Variants in LARGE1 observed in about 807,000 individuals in gnomAD.
LARGE1 encodes the protein xylosyl- and glucuronyltransferase LARGE1.
LARGE1 carries 43 observed loss-of-function variants against 87.6 expected under a neutral mutation model. The ratio of observed to expected loss-of-function variants is 0.49; its 90% CI spans 0.38 to 0.63. The LOEUF is 0.63. Among genes scored for constraint, LARGE1 ranks in the 30% least tolerant of loss-of-function variants. The pLI is 0.00. For synonymous variants in LARGE1, 434 were observed against 394.6 expected (o/e 1.10, Z -1.18); for missense variants, 802 against 1,000.2 (o/e 0.80, Z 2.67).
At chr22:33,604,211 T>C (rs1358698427) in intron 5 of LARGE1, among the ~76,000 whole-genome samples, 1 of 152,196 alleles carries the variant, frequency 6.6e-6, no homozygotes, top group Non-Finnish European at 1.5e-5. Context: ...CCAGAAAGCC[T>C]TGGTGGTCAA....
intron 10 of LARGE1, among the ~76,000 whole-genome samples, chr22:33,324,949 G>GT: frequency 6.6e-6 from 1 of 152,118 alleles, no homozygotes. Context: ...TCTTTCTCAT[G>GT]TAAGACTCAC....
intron 6 of LARGE1, among the ~76,000 whole-genome samples, chr22:33,552,467 G>GA (rs71320982): frequency 0.45 from 68,199 of 150,632 alleles, 15,645 homozygotes; most frequent in Admixed American, 0.53. Flanking sequence ...ATTTACAAAA[G>GA]AAAAAAAAAT....
At chr22:33,276,162 T>C (rs573145072) in intron 14 of LARGE1, among the ~76,000 whole-genome samples, 1 of 151,602 alleles carries the variant, frequency 6.6e-6, no homozygotes, top group South Asian at 2.1e-4. Context: ...TTGAAAAATA[T>C]TTGCACTGTG....
chr22:33,650,548 T>G lies in LARGE1; in HGVS notation c.227A>C (p.Asn76Thr), dbSNP rs752854659. ...EVRMREVEEE[N>T]RALRRQLSLA... Reference sequence around the variant, plus strand: ...GCTGAGCTGCCTGCGGAGGGCGCGGTTCTCCTCCTCCACCTCGCGCATGCG... The same window carrying G: ...GCTGAGCTGCCTGCGGAGGGCGCGGGTCTCCTCCTCCACCTCGCGCATGCG... Residue 76 changes from asparagine to threonine, a missense_variant, in exon 3 of 15, where the codon AAC (asparagine) becomes ACC (threonine). This residue lies in a region of LARGE1 where 177 missense variants were observed against 158.3 expected (regional missense o/e 1.12). Transcript: ENST00000397394. The G allele has an allele frequency of 9.9e-6, 16 of 1,609,680 alleles. No individual in the cohort carries two copies. The highest frequency in any genetic ancestry group is 2.2e-5 in the East Asian group (1 of 44,876).
intron 10 of LARGE1, among the ~76,000 whole-genome samples, chr22:33,326,967 A>T (rs1386163627): frequency 6.6e-6 from 1 of 152,028 alleles, no homozygotes; most frequent in African/African-American, 2.4e-5. Flanking sequence ...TCCTTTGGAG[A>T]CTGGCCTTGA....
At chr22:33,601,435 G>C (rs2079110166) in intron 5 of LARGE1, among the ~76,000 whole-genome samples, 1 of 152,166 alleles carries the variant, frequency 6.6e-6, no homozygotes, top group Non-Finnish European at 1.5e-5. Flanking sequence ...GGGCTGTCAG[G>C]CTGGTGGAGT....
intron 10 of LARGE1, among the ~76,000 whole-genome samples, chr22:33,336,307 T>C (rs986614798): frequency 1.3e-5 from 2 of 152,068 alleles, no homozygotes; most frequent in Admixed American, 6.5e-5. Context: ...TTCAAGCAAT[T>C]CTCCTACCTC....
chr22:33,450,766 C>T (rs1221677515), intron 6 of LARGE1, among the ~76,000 whole-genome samples: 3 of 152,156 alleles, frequency 2.0e-5, no homozygotes, highest in African/African-American at 7.2e-5. Flanking sequence ...CCCAAGATCA[C>T]ACAGATGAGT....
chr22:33,641,193 G>T (rs2080420506), intron 3 of LARGE1, among the ~76,000 whole-genome samples: 1 of 152,198 alleles, frequency 6.6e-6, no homozygotes, highest in Non-Finnish European at 1.5e-5. Context: ...GCTTCCAGAG[G>T]AAGGAGCAGG....
intron 7 of LARGE1, among the ~76,000 whole-genome samples, chr22:33,430,690 G>A (rs1268333408): frequency 6.6e-6 from 1 of 152,202 alleles, no homozygotes; most frequent in East Asian, 1.9e-4. Flanking sequence ...GGGCTCCCTG[G>A]CTGCCTGCCA....
In LARGE1 at chr22:33,706,995, T is replaced by G. The variant is rs117575027; in HGVS notation, c.106+54376A>C. ...ATTTGATATAGTAGCAACAGAAAAC[T>G]AACATATATGTGTTAAGGTGTGTCT... On this transcript the variant is annotated intron_variant, in intron 2 of 14. Transcript: ENST00000397394. 1.9e-3 allele frequency among the ~76,000 whole-genome samples: 294 copies of G among 152,326 alleles called. 7 individuals carry two copies. The East Asian group carries it at 0.042, about 22-fold the overall frequency.
At chr22:33,498,332 C>T (rs1443217216) in intron 6 of LARGE1, among the ~76,000 whole-genome samples, 1 of 152,112 alleles carries the variant, frequency 6.6e-6, no homozygotes, top group African/African-American at 2.4e-5. Context: ...AGTAACAGTC[C>T]TTCAGGCAGG....
At chr22:33,330,662 A>G (rs1359229279) in intron 10 of LARGE1, among the ~76,000 whole-genome samples, 1 of 152,208 alleles carries the variant, frequency 6.6e-6, no homozygotes, top group African/African-American at 2.4e-5. Flanking sequence ...AGATGCCCAA[A>G]CTATGAGAGA....
rs894334518 is a variant in LARGE1, at chr22:33,913,127, C to T, written c.-83+6868G>A. The stretch of plus-strand genomic sequence containing the variant: ...GATTACAGGCGTGAGCCACCAAGCC[C>T]GGCCTGATTTTGATATTTTTTAATG... On this transcript the variant is annotated intron_variant, in intron 1 of 14. Transcript: ENST00000397394. Among the ~76,000 whole-genome samples the T allele has an allele frequency of 6.6e-5, 10 of 152,254 alleles. 1 individual carries two copies. The South Asian group carries it at 1.9e-3, about 28-fold the overall frequency.
upstream of LARGE1, among the ~76,000 whole-genome samples, chr22:33,921,048 C>G (rs1282535289): frequency 4.7e-5 from 7 of 150,240 alleles, no homozygotes; most frequent in East Asian, 9.9e-4. The surrounding 1 kb of genome is among the most constrained non-coding windows in gnomAD (Gnocchi z 4.1). Flanking sequence ...GGGGGGACCG[C>G]GAGCCGGGGC....
At chr22:33,242,311 C>T (rs905715001) in intron 11 of LARGE1, among the ~76,000 whole-genome samples, 2 of 151,992 alleles carry the variant, frequency 1.3e-5, no homozygotes, top group African/African-American at 4.8e-5. Context: ...TAAAAATATC[C>T]CTTAACCAAA....
chr22:33,791,539 A>G (rs991715392), intron 1 of LARGE1, among the ~76,000 whole-genome samples: 3 of 152,200 alleles, frequency 2.0e-5, no homozygotes, highest in Non-Finnish European at 4.4e-5. Flanking sequence ...TTGTGTTTAG[A>G]AATGTTGCTG....
chr22:33,633,008 C>A (rs747626587), intron 3 of LARGE1, among the ~76,000 whole-genome samples: 1 of 152,184 alleles, frequency 6.6e-6, no homozygotes, highest in Non-Finnish European at 1.5e-5. Flanking sequence ...TAGTGCAGAA[C>A]TGTGAACTGG....
chr22:33,787,020 CA>C (rs1184293115), intron 1 of LARGE1, among the ~76,000 whole-genome samples: 10,078 of 77,000 alleles, frequency 0.13, 467 homozygotes, highest in Admixed American at 0.2. Context: ...GACTCCATTT[CA>C]AAAAAAAAAA....
Sources: gnomAD v4.1 joint callset for allele counts (sites outside exome capture counted in the v4.1 genomes callset) on GRCh38, gnomAD v4.1.1 for gene constraint, gnomAD v4.1.1 regional missense constraint, Gnocchi (gnomAD v3.1) non-coding constraint, MANE v1.5 for transcripts, NCBI Gene and HGNC (gene_info 2026-07-23, HGNC 2026-07-21) for gene names.